Variants in NDUFS1 observed in about 807,000 individuals in gnomAD.
NDUFS1 encodes NADH:ubiquinone oxidoreductase core subunit S1.
A neutral mutation model predicts 84.4 loss-of-function variants in NDUFS1; 61 were observed. The ratio of observed to expected loss-of-function variants is 0.72; its 90% confidence interval spans 0.59 to 0.89. NDUFS1 has a LOEUF of 0.89. NDUFS1 is among the 40% of genes least tolerant of loss of function. The pLI is 0.00. For synonymous variants in NDUFS1, 275 were observed against 290.0 expected, an observed-to-expected ratio of 0.95 and a Z score of 0.53; for missense variants, 891 against 890.0, an observed-to-expected ratio of 1.00 and a Z score of -0.01.
At chr2:206,127,602 G>A in intron 16 of NDUFS1, 195 bp downstream of exon 16, 1 of 596,196 alleles carries the variant, frequency 1.7e-6, no homozygotes, top group Non-Finnish European at 3.0e-6. Flanking sequence ...CCCTCAGGCT[G>A]GAGTGCAGCG....
rs1218632609 is a variant in NDUFS1 at position 206,149,024 on chromosome 2, C to T, written c.334G>A (p.Ala112Thr). The T allele has an allele frequency of 1.2e-6, 2 of 1,608,458 alleles. No homozygotes were observed. Among genetic ancestry groups the T allele is most frequent in the East Asian group, 2.2e-5 (1 of 44,766 alleles). ...CATTGAATAACAATAAAGTACCTGGCTTTTTTGGATTTTTCTGAGTTTGTT... is the reference window on the plus strand; with the variant it reads ...CATTGAATAACAATAAAGTACCTGGTTTTTTTGGATTTTTCTGAGTTTGTT... ...ILTNSEKSKKAREGVMEFLLA... is the reference protein window; with the variant it reads ...ILTNSEKSKKTREGVMEFLLA... Residue 112 changes from alanine to threonine, a missense_variant, in exon 5 of 19, where the codon GCC (alanine) becomes ACC (threonine). By Grantham distance (58) the Ala-to-Thr change is moderately conservative. Coordinates refer to ENST00000233190, the MANE Select transcript of NDUFS1 (RefSeq NM_005006.7).
intron 3 of NDUFS1, among the ~76,000 whole-genome samples, chr2:206,150,769 A>G (rs955720045): frequency 3.9e-5 from 6 of 152,224 alleles, no homozygotes; most frequent in African/African-American, 1.4e-4. Flanking sequence ...TTCCACAGAC[A>G]GCTTAAATTC....
In NDUFS1 at chr2:206,116,120, A is replaced by G. The variant is rs1444598504; in HGVS notation, c.*8065T>C. 7 of 1,438,296 alleles carry G rather than the reference A, an allele frequency of 4.9e-6. No homozygotes were observed. The South Asian group carries it at 5.7e-5, about 12-fold the overall frequency. The allele number at this position is 1,438,296 out of a possible 1,614,324, so 89.1% of individuals were successfully genotyped here. A position where few individuals can be genotyped will look rare whatever the true frequency, so the allele number is the denominator to read the frequency against. ...TTAGTGGTTCCATTTTCACTCCTCA[A>G]TAGATTTTATGTATTTCTCATATGC... is the stretch of plus-strand genomic sequence containing the variant. On this transcript the variant is annotated 3_prime_UTR_variant, in exon 19 of 19. Coordinates refer to ENST00000233190, the MANE Select transcript of NDUFS1 (RefSeq NM_005006.7).
At position 206,148,886 on chromosome 2, in the gene NDUFS1, T is replaced by A. The variant is rs1009721090; in HGVS notation, c.338+134A>T. 5.8e-6 allele frequency: 4 copies of A among 691,152 alleles called. No individual in the cohort carries two copies. In the South Asian group the frequency reaches 6.3e-5, roughly 11 times the overall value. 42.8% of individuals were successfully genotyped at this position (691,152 alleles called of 1,614,324 possible). A position where few individuals can be genotyped will look rare whatever the true frequency, so the allele number is the denominator to read the frequency against. ...TCTACTATGTAGTACTCACTTCTAT[T>A]GCTCCTAGAAGCTGAGCACACCAAC... On this transcript the variant is annotated intron_variant, in intron 5 of 18. Transcript: ENST00000233190.
rs1690940184 is a variant in NDUFS1 at position 206,116,287 on chromosome 2, A to C, written c.*7898T>G. ...TAATTTCGGTTACTTCTCCTGATAA[A>C]GGAGAATAGAGTTCACTAGCAGCTT... is the stretch of plus-strand genomic sequence containing the variant. On this transcript the variant is annotated 3_prime_UTR_variant, in exon 19 of 19. Coordinates refer to ENST00000233190, the MANE Select transcript of NDUFS1 (RefSeq NM_005006.7). The C allele has an allele frequency of 2.1e-6, 2 of 943,514 alleles. No individual in the cohort carries two copies. The highest frequency in any genetic ancestry group is 3.5e-6 in the Non-Finnish European group (2 of 567,026). The allele number at this position is 943,514 out of a possible 1,614,324, so 58.4% of individuals were successfully genotyped here.
Position 206,141,952 on chromosome 2 carries a change from T to C in NDUFS1, c.1251A>G (p.Arg417=), listed in dbSNP as rs1801318. 498,727 of 1,607,042 alleles carry C rather than the reference T, an allele frequency of 0.31. 79,565 individuals carry two copies. The highest frequency in any genetic ancestry group is 0.45 in the African/African-American group (33,528 of 74,714). Residue 417 remains arginine, a synonymous_variant, in exon 12 of 19, where the codon AGA becomes AGG. Coordinates refer to ENST00000233190, the MANE Select transcript of NDUFS1 (RefSeq NM_005006.7). ...ATACTATTACCAACCTCTTTCGAAT[T>C]CTAGCATTAAACAGTGGTGCCTCAA... ...PRFEAPLFNA[R]IRKSWLHNDL... is the part of the protein sequence containing the mutation.
In NDUFS1 at chr2:206,130,209, G is replaced by A. The variant is rs746463155; in HGVS notation, c.1587C>T (p.Gly529=). 4 of 1,614,138 alleles carry A rather than the reference G, an allele frequency of 2.5e-6. No homozygotes were observed. In the East Asian group the frequency reaches 8.9e-5, roughly 36 times the overall value. Residue 529 remains glycine, a synonymous_variant, in exon 15 of 19, where the codon GGC becomes GGT. Transcript: ENST00000233190. ...GAATTGCTTCCACCCCAGGCTTATA[G>A]CCAAGGTCCAAAGCAGCTACTTGAC... ...IASQVAALDL[G]YKPGVEAIRK...
At chr2:206,132,170 G>A (rs1466318898) in intron 14 of NDUFS1, among the ~76,000 whole-genome samples, 2 of 151,880 alleles carry the variant, frequency 1.3e-5, no homozygotes, top group Non-Finnish European at 2.9e-5. Context: ...AAAAAAACTA[G>A]AAGAAAATGC....
intron 15 of NDUFS1, among the ~76,000 whole-genome samples, chr2:206,129,011 C>G (rs1025451235): frequency 6.6e-6 from 1 of 151,658 alleles, no homozygotes; most frequent in East Asian, 1.9e-4. Flanking sequence ...AAGGCATAAA[C>G]GAAAAACTAC....
chr2:206,134,706 T>C lies in NDUFS1; in HGVS notation c.1393-1601A>G, dbSNP rs1039121101. 4.6e-5 allele frequency among the ~76,000 whole-genome samples: 7 copies of C among 152,164 alleles called. No homozygotes were observed. The East Asian group carries it at 1.2e-3, about 25-fold the overall frequency. ...CACAGATATGAAAAACCAGGCAAGGTTGGCTCATGCTTGTAATCCCAACAC... is the reference window on the plus strand; with the variant it reads ...CACAGATATGAAAAACCAGGCAAGGCTGGCTCATGCTTGTAATCCCAACAC... On this transcript the variant is annotated intron_variant, in intron 13 of 18. Transcript: ENST00000233190.
At chr2:206,159,005 G>A in intron 1 of NDUFS1, 1 of 1,380,244 alleles carries the variant, frequency 7.2e-7, no homozygotes, top group East Asian at 2.5e-5. Flanking sequence ...ATCGGACACT[G>A]GTCCTCTCCC....
At chr2:206,130,989 ATAGAAATTT>A (rs1691491476) in intron 14 of NDUFS1, among the ~76,000 whole-genome samples, 1 of 152,228 alleles carries the variant, frequency 6.6e-6, no homozygotes, top group South Asian at 2.1e-4. Context: ...CCAAAACCTT[ATAGAAATTT>A]TTTCTACGAA....
rs1402913297 is a variant in NDUFS1, at chr2:206,123,173, G to A, written c.*1012C>T. 1.3e-5 allele frequency: 2 copies of A among 151,704 alleles called. No homozygotes were observed. Among genetic ancestry groups the A allele is most frequent in the African/African-American group, 2.4e-5 (1 of 41,262 alleles). The allele number at this position is 151,704 out of a possible 1,614,324, so 9.4% of individuals were successfully genotyped here. ...TTGACAATTAAAAATTATGAAAGCT[G>A]GTTGTTTTGTCTCCTATTGCTGAAA... On this transcript the variant is annotated 3_prime_UTR_variant, in exon 19 of 19. Coordinates refer to ENST00000233190, the MANE Select transcript of NDUFS1 (RefSeq NM_005006.7).
At chr2:206,136,290 G>A (rs1027718534) in intron 13 of NDUFS1, among the ~76,000 whole-genome samples, 3 of 150,664 alleles carry the variant, frequency 2.0e-5, no homozygotes, top group Non-Finnish European at 4.4e-5. Flanking sequence ...CTGACCTTGT[G>A]ATCCGCCCGC....
chr2:206,144,979 A>T lies in NDUFS1; in HGVS notation c.785T>A (p.Val262Glu), dbSNP rs752946282. ...DVMDAVGSNI[V>E]VSTRTGEVMR... Reference sequence around the variant, plus strand: ...CACTTCTCCAGTTCTTGTGCTAACCACAATATTACTTCCAACCGCATCCAT... The same window carrying T: ...CACTTCTCCAGTTCTTGTGCTAACCTCAATATTACTTCCAACCGCATCCAT... The change falls in exon 9 of 19, where the codon GTG becomes GAG. Residue 262 changes from valine (V) to glutamate (E), a missense_variant. By Grantham distance (121) the Val-to-Glu change is moderately radical (BLOSUM62 -2). Transcript: ENST00000233190. 6.2e-7 allele frequency: 1 copy of T among 1,614,022 alleles called. No individual in the cohort carries two copies.
chr2:206,143,902 A>T, intron 10 of NDUFS1, 116 bp downstream of exon 10: 1 of 835,206 alleles, frequency 1.2e-6, no homozygotes, highest in Non-Finnish European at 2.0e-6. Context: ...GAAGGAGATT[A>T]AATCATAATC....
At chr2:206,147,903 C>G in intron 5 of NDUFS1, 69 bp from the exon 6 acceptor site, 1 of 1,359,380 alleles carries the variant, frequency 7.4e-7, no homozygotes, top group African/African-American at 1.4e-5. Flanking sequence ...TGCTGGCACT[C>G]AAAATGACCT....
At position 206,122,642 on chromosome 2, in the gene NDUFS1, A is replaced by AAAAAAAAAAAAAAAAAAAAAAAAAAAC. The variant is rs1409392850; in HGVS notation, c.*1542_*1543insGTTTTTTTTTTTTTTTTTTTTTTTTTT. On this transcript the variant is annotated 3_prime_UTR_variant, in exon 19 of 19. Coordinates refer to ENST00000233190, the MANE Select transcript of NDUFS1 (RefSeq NM_005006.7). ...AAGACTCCATCTCAAAAAAAAAAAA[A>AAAAAAAAAAAAAAAAAAAAAAAAAAAC]AAACAAAGGGAAAAAGGGCATCCTA... 6.6e-6 allele frequency: 1 copy of AAAAAAAAAAAAAAAAAAAAAAAAAAAC among 151,352 alleles called. No individual in the cohort carries two copies. The highest frequency in any genetic ancestry group is 2.4e-5 in the African/African-American group (1 of 40,934). The allele number at this position is 151,352 out of a possible 1,614,324, so 9.4% of individuals were successfully genotyped here.
chr2:206,125,882 C>T (rs1189281260), intron 18 of NDUFS1, among the ~76,000 whole-genome samples: 2 of 151,986 alleles, frequency 1.3e-5, no homozygotes, highest in African/African-American at 4.8e-5. Context: ...AGATAAATAC[C>T]ATAGAAGTGA....
Sources: allele counts gnomAD v4.1 joint callset (sites outside exome capture counted in the v4.1 genomes callset), GRCh38; gene constraint gnomAD v4.1.1; transcripts MANE v1.5; gene names NCBI Gene and HGNC (gene_info 2026-07-23, HGNC 2026-07-21).